FBXO8: variants seen among roughly 807,000 people sequenced by gnomAD.
FBXO8 encodes the protein F-box only protein 8.
FBXO8 carries 15 observed loss-of-function variants against 33.4 expected under a neutral mutation model. That is an observed-to-expected ratio of 0.45 (90% confidence interval 0.30 to 0.69). FBXO8 has a LOEUF of 0.69. FBXO8 is among the 30% of genes least tolerant of loss of function. FBXO8 has a pLI of 0.08. For synonymous variants in FBXO8, 132 were observed against 131.5 expected, an observed-to-expected ratio of 1.00 and a Z score of -0.02; for missense variants, 274 against 380.3, an observed-to-expected ratio of 0.72 and a Z score of 2.32.
intron 4 of FBXO8, among the ~76,000 whole-genome samples, chr4:174,239,699 T>A (rs1474559465): frequency 6.6e-6 from 1 of 151,920 alleles, no homozygotes. Context: ...GACAGCTTTG[T>A]ATATCTTTAT....
In FBXO8 at chr4:174,245,727, A is replaced by T. The variant is rs1377231371; in HGVS notation, c.457-4509T>A. Reference sequence around the variant, plus strand: ...GGGCTATTCAGCGGAGCACTCACTTAAAAAATAAAAATAAATAGATAGCGG... The same window carrying T: ...GGGCTATTCAGCGGAGCACTCACTTTAAAAATAAAAATAAATAGATAGCGG... On this transcript the variant is annotated intron_variant, in intron 3 of 5. Coordinates refer to ENST00000393674, the MANE Select transcript of FBXO8 (RefSeq NM_012180.3). The surrounding 1 kb of genome is among the most constrained non-coding windows in gnomAD (Gnocchi z 4.6). 6.6e-6 allele frequency among the ~76,000 whole-genome samples: 1 copy of T among 152,058 alleles called. No homozygotes were observed. The highest frequency in any genetic ancestry group is 1.9e-4 in the East Asian group (1 of 5,168).
chr4:174,250,905 T>C (rs1292965031), intron 3 of FBXO8, among the ~76,000 whole-genome samples: 1 of 152,044 alleles, frequency 6.6e-6, no homozygotes, highest in Non-Finnish European at 1.5e-5. Context: ...AGAAGTAATA[T>C]CAAGTTTCAC....
chr4:174,264,792 T>G (rs1414501033), intron 1 of FBXO8, among the ~76,000 whole-genome samples: 1 of 130,354 alleles, frequency 7.7e-6, no homozygotes, highest in East Asian at 3.2e-4. Flanking sequence ...CAAATAAAAT[T>G]CTTAAAAAAA....
chr4:174,260,638 A>G (rs1736536647), intron 2 of FBXO8, among the ~76,000 whole-genome samples: 1 of 152,016 alleles, frequency 6.6e-6, no homozygotes, highest in Non-Finnish European at 1.5e-5. Context: ...AACACACTGC[A>G]GATTGGGATA....
At position 174,237,301 on chromosome 4, in the gene FBXO8, T is replaced by C. The variant is rs1205235280; in HGVS notation, c.*111A>G. The C allele has an allele frequency of 3.6e-6, 3 of 822,192 alleles. No individual in the cohort carries two copies. The highest frequency in any genetic ancestry group is 5.5e-6 in the Non-Finnish European group (3 of 542,398). The allele number at this position is 822,192 out of a possible 1,614,324, so 50.9% of individuals were successfully genotyped here. On this transcript the variant is annotated 3_prime_UTR_variant, in exon 6 of 6. Transcript: ENST00000393674. This position sits in a 1 kb window ranked among gnomAD's most constrained non-coding sequence, Gnocchi z 4.4. ...GAAAAAAAGGTTGCACACTGAAGCT[T>C]GATTGTATACTCAGGCTACAATGAC... is the stretch of plus-strand genomic sequence containing the variant.
rs774038222 is a variant in FBXO8, at chr4:174,237,627, T to C, written c.773-28A>G. On this transcript the variant is annotated intron_variant, in intron 5 of 5. Coordinates refer to ENST00000393674, the MANE Select transcript of FBXO8 (RefSeq NM_012180.3). The surrounding 1 kb of genome is among the most constrained non-coding windows in gnomAD (Gnocchi z 4.4). ...GGAAAGAAAAAGAAACAGTTCAAAT[T>C]ATTAGTTGGTTTACAAAATATGATT... The C allele has an allele frequency of 6.4e-7, 1 of 1,558,584 alleles. No homozygotes were observed. The highest frequency in any genetic ancestry group is 1.2e-5 in the South Asian group (1 of 84,978).
chr4:174,277,635 G>A lies in FBXO8; in HGVS notation c.-9+5775C>T, dbSNP rs1402024061. Among the ~76,000 whole-genome samples the A allele has an allele frequency of 6.6e-6, 1 of 152,126 alleles. No individual in the cohort carries two copies. Among genetic ancestry groups the A allele is most frequent in the Admixed American group, 6.5e-5 (1 of 15,272 alleles). ...ATAAAGCTTTTACTGAGCAAACGGT[G>A]TTAAATCATTGGTATGTAATGACTG... On this transcript the variant is annotated intron_variant, in intron 1 of 5. Coordinates refer to ENST00000393674, the MANE Select transcript of FBXO8 (RefSeq NM_012180.3). The surrounding 1 kb of genome is among the most constrained non-coding windows in gnomAD (Gnocchi z 4.9).
intron 3 of FBXO8, among the ~76,000 whole-genome samples, chr4:174,242,097 G>A (rs1317827962): frequency 6.6e-6 from 1 of 151,490 alleles, no homozygotes; most frequent in African/African-American, 2.4e-5. Context: ...ATTTCAACTT[G>A]CGGTTATCCA....
chr4:174,268,511 C>A (rs1318925576), intron 1 of FBXO8, among the ~76,000 whole-genome samples: 2 of 152,160 alleles, frequency 1.3e-5, no homozygotes, highest in African/African-American at 2.4e-5. Flanking sequence ...CGGCTCACTG[C>A]AAGTTCCGCC....
Position 174,256,170 on chromosome 4 carries a change from T to C in FBXO8, c.456+3529A>G. Reference sequence around the variant, plus strand: ...GCTGTAAGTATTCTTATTTTTATAATATTTTAATGATGTTTGCTATCAAAA... The same window carrying C: ...GCTGTAAGTATTCTTATTTTTATAACATTTTAATGATGTTTGCTATCAAAA... On this transcript the variant is annotated intron_variant, in intron 3 of 5. Transcript: ENST00000393674. The surrounding 1 kb of genome is among the most constrained non-coding windows in gnomAD (Gnocchi z 4.6). The C allele has an allele frequency of 2.2e-6, 1 of 454,542 alleles. No individual in the cohort carries two copies. The highest frequency in any genetic ancestry group is 4.4e-6 in the Non-Finnish European group (1 of 226,494). The allele number at this position is 454,542 out of a possible 1,614,324, so 28.2% of individuals were successfully genotyped here.
intron 3 of FBXO8, among the ~76,000 whole-genome samples, chr4:174,249,226 T>G (rs1040044720): frequency 6.6e-6 from 1 of 152,034 alleles, no homozygotes; most frequent in Admixed American, 6.6e-5. Flanking sequence ...GTAACAATCA[T>G]TATTGTAATT....
intron 3 of FBXO8, among the ~76,000 whole-genome samples, chr4:174,258,744 A>G (rs935692739): frequency 6.6e-6 from 1 of 152,056 alleles, no homozygotes; most frequent in Non-Finnish European, 1.5e-5. Context: ...TGGTATTTTT[A>G]TATGCATACG....
chr4:174,237,886 G>A lies in FBXO8; in HGVS notation c.773-287C>T, dbSNP rs772306450. On this transcript the variant is annotated intron_variant, in intron 5 of 5. Transcript: ENST00000393674. The surrounding 1 kb of genome is among the most constrained non-coding windows in gnomAD (Gnocchi z 4.4). The stretch of plus-strand genomic sequence containing the variant: ...TCAAAAGAACTTTAGAACAGTTTAG[G>A]AGTGTATAGTAAAAATTCATTCTAG... 1.3e-5 allele frequency among the ~76,000 whole-genome samples: 2 copies of A among 151,934 alleles called. No homozygotes were observed. Among genetic ancestry groups the A allele is most frequent in the Admixed American group, 1.3e-4 (2 of 15,254 alleles).
chr4:174,248,399 A>C (rs1156634660), intron 3 of FBXO8, among the ~76,000 whole-genome samples: 1 of 152,090 alleles, frequency 6.6e-6, no homozygotes, highest in Non-Finnish European at 1.5e-5. Context: ...TGAGGAACCC[A>C]TAACTAGGCT....
At chr4:174,240,771 T>A (rs1452617692) in intron 4 of FBXO8, among the ~76,000 whole-genome samples, 1 of 151,744 alleles carries the variant, frequency 6.6e-6, no homozygotes, top group African/African-American at 2.4e-5. Context: ...TTTTTACCAC[T>A]ATAAACACTT....
At chr4:174,279,841 T>C (rs1470694424) in intron 1 of FBXO8, among the ~76,000 whole-genome samples, 1 of 151,962 alleles carries the variant, frequency 6.6e-6, no homozygotes, top group African/African-American at 2.4e-5. Context: ...TCTATGAAAA[T>C]TAACTCAAAA....
intron 1 of FBXO8, among the ~76,000 whole-genome samples, chr4:174,282,512 T>G (rs1211092575): frequency 6.6e-6 from 1 of 152,166 alleles, no homozygotes; most frequent in Non-Finnish European, 1.5e-5. Flanking sequence ...ATAATAAAAC[T>G]TATGCATTCT....
At position 174,239,191 on chromosome 4, in the gene FBXO8, C is replaced by A. The variant is rs1330345124; in HGVS notation, c.576-1G>T. The A allele has an allele frequency of 3.3e-6, 5 of 1,508,390 alleles. No individual in the cohort carries two copies. Among genetic ancestry groups the A allele is most frequent in the Admixed American group, 4.4e-5 (2 of 45,818 alleles). The allele number at this position is 1,508,390 out of a possible 1,614,324, so 93.4% of individuals were successfully genotyped here. On this transcript the variant is annotated splice_acceptor_variant, in intron 4 of 5. Coordinates refer to ENST00000393674, the MANE Select transcript of FBXO8 (RefSeq NM_012180.3). LOFTEE classifies it high-confidence loss of function. ...TACAAGGTCATCCAAGACATCTCTC[C>A]TACAGAAAGAAAAAAAGGCACAGCT...
rs1225090071 is a variant in FBXO8 at position 174,237,462 on chromosome 4, CA to C, written c.909del (p.Phe303LeufsTer2). 1.9e-6 allele frequency: 3 copies of C among 1,613,612 alleles called. No individual in the cohort carries two copies. Among genetic ancestry groups the C allele is most frequent in the Non-Finnish European group, 2.5e-6 (3 of 1,179,730 alleles). On this transcript the variant is annotated frameshift_variant, in exon 6 of 6. Transcript: ENST00000393674. LOFTEE classifies it high-confidence loss of function. The surrounding 1 kb of genome is among the most constrained non-coding windows in gnomAD (Gnocchi z 4.4). ...RRAAQNISEDFVGHLYDNIYL... is the reference protein window; with the variant it reads ...RRAAQNISEDXVGHLYDNIYL... ...TAGATATTGTCATAAAGATGCCCTA[CA>C]AAATCTTCACTAATATTTTGAGCAG...
Sources: gnomAD v4.1 joint callset for allele counts (sites outside exome capture counted in the v4.1 genomes callset) on GRCh38, gnomAD v4.1.1 for gene constraint, Gnocchi (gnomAD v3.1) non-coding constraint, MANE v1.5 for transcripts, NCBI Gene and HGNC (gene_info 2026-07-23, HGNC 2026-07-21) for gene names.